The following LARGE1 variants were observed in gnomAD, a reference collection of about 807,000 sequenced individuals.
LARGE1 encodes xylosyl- and glucuronyltransferase LARGE1.
A neutral mutation model predicts 87.6 loss-of-function variants in LARGE1; 43 were observed. That is an observed-to-expected ratio of 0.49 (90% CI 0.38 to 0.63). The LOEUF is 0.63. Among genes scored for constraint, LARGE1 ranks in the 30% least tolerant of loss-of-function variants. The probability of loss-of-function intolerance (pLI) is 0.00; values close to 1 mark genes in which losing one functional copy is unlikely to be tolerated. For synonymous variants in LARGE1, 434 were observed against 394.6 expected (o/e 1.10, Z -1.18); for missense variants, 802 against 1,000.2 (o/e 0.80, Z 2.67).
At chr22:33,182,158 C>G (rs77478091) in intron 11 of LARGE1, among the ~76,000 whole-genome samples, 5,430 of 152,188 alleles carry the variant, frequency 0.036, 332 homozygotes, top group African/African-American at 0.12. Context: ...AGTCAGTAAC[C>G]AAATATTGAA....
At chr22:33,818,511 G>A (rs1255072200) in intron 1 of LARGE1, among the ~76,000 whole-genome samples, 3 of 152,176 alleles carry the variant, frequency 2.0e-5, no homozygotes, top group Non-Finnish European at 4.4e-5. Flanking sequence ...TGACCTGAGA[G>A]AAAGAAGGGG....
chr22:33,541,513 T>C (rs1055426828), intron 6 of LARGE1, among the ~76,000 whole-genome samples: 2 of 152,226 alleles, frequency 1.3e-5, no homozygotes, highest in Admixed American at 6.5e-5. Context: ...TTTGTGCTGA[T>C]ACGGACATGC....
intron 5 of LARGE1, among the ~76,000 whole-genome samples, chr22:33,583,621 C>T (rs1425233527): frequency 6.6e-6 from 1 of 152,168 alleles, no homozygotes. Context: ...ATCTTCTGCC[C>T]CTGAGCCCAC....
At chr22:33,900,698 G>C (rs2065259027) in intron 1 of LARGE1, among the ~76,000 whole-genome samples, 1 of 152,216 alleles carries the variant, frequency 6.6e-6, no homozygotes. Context: ...AGATAATCAA[G>C]TTAAAATGAG....
At chr22:33,770,479 C>G (rs2085031932) in intron 1 of LARGE1, among the ~76,000 whole-genome samples, 1 of 152,008 alleles carries the variant, frequency 6.6e-6, no homozygotes, top group South Asian at 2.1e-4. Flanking sequence ...GCCAGGAGTT[C>G]AAGACCAGCC....
At chr22:33,297,008 A>G (rs1933376232) in intron 12 of LARGE1, among the ~76,000 whole-genome samples, 1 of 152,226 alleles carries the variant, frequency 6.6e-6, no homozygotes, top group African/African-American at 2.4e-5. Context: ...GCGCATAGTA[A>G]GTGCTCAGTA....
chr22:33,411,649 A>G (rs1002638267), intron 7 of LARGE1, among the ~76,000 whole-genome samples: 1 of 152,212 alleles, frequency 6.6e-6, no homozygotes, highest in Non-Finnish European at 1.5e-5. Flanking sequence ...CAATACTTGC[A>G]TAAGCAAACA....
intron 6 of LARGE1, among the ~76,000 whole-genome samples, chr22:33,493,764 C>A (rs1469996511): frequency 2.0e-5 from 3 of 152,152 alleles, no homozygotes; most frequent in Admixed American, 1.3e-4. Context: ...CAGCTGCACT[C>A]AAGATCCTTT....
intron 3 of LARGE1, among the ~76,000 whole-genome samples, chr22:33,631,652 G>T (rs1309431653): frequency 6.6e-6 from 1 of 152,012 alleles, no homozygotes; most frequent in East Asian, 1.9e-4. Flanking sequence ...CCTCCTGAAG[G>T]ACCTGCCTGA....
intron 4 of LARGE1, among the ~76,000 whole-genome samples, chr22:33,625,712 TG>T (rs1457911088): frequency 6.6e-6 from 1 of 152,244 alleles, no homozygotes; most frequent in African/African-American, 2.4e-5. Context: ...TATGTTCACA[TG>T]GTCTGTGTTT....
intron 6 of LARGE1, among the ~76,000 whole-genome samples, chr22:33,474,579 C>T (rs1158906691): frequency 1.3e-5 from 2 of 152,226 alleles, no homozygotes; most frequent in Non-Finnish European, 2.9e-5. Context: ...CACTGCCTGC[C>T]TTCCACCTGC....
intron 6 of LARGE1, among the ~76,000 whole-genome samples, chr22:33,526,088 G>A (rs5994771): frequency 0.017 from 2,554 of 152,264 alleles, 56 homozygotes; most frequent in African/African-American, 0.049. Context: ...ATAAAGCGGA[G>A]TATAATGCGG....
intron 1 of LARGE1, among the ~76,000 whole-genome samples, chr22:33,861,860 CTTTTTTTTTT>C (rs59657748): frequency 1.7e-5 from 2 of 117,216 alleles, no homozygotes; most frequent in Admixed American, 1.9e-4. Context: ...CCCAGACATT[CTTTTTTTTTT>C]TTTTTTTTTT....
intron 6 of LARGE1, among the ~76,000 whole-genome samples, chr22:33,534,903 C>T (rs2076997705): frequency 6.6e-6 from 1 of 152,192 alleles, no homozygotes; most frequent in African/African-American, 2.4e-5. Flanking sequence ...ATGCAGAGTC[C>T]CATCCCCACC....
the LARGE1 span, among the ~76,000 whole-genome samples, chr22:33,078,535 G>A: frequency 6.6e-6 from 1 of 152,158 alleles, no homozygotes; most frequent in Admixed American, 6.5e-5. Context: ...ACATGTCCAT[G>A]GTCATACCAG....
chr22:33,503,397 C>T (rs1003223792), intron 6 of LARGE1, among the ~76,000 whole-genome samples: 16 of 151,180 alleles, frequency 1.1e-4, no homozygotes, highest in African/African-American at 3.9e-4. Flanking sequence ...GCTGGGATTA[C>T]AGGCACCCGA....
intron 2 of LARGE1, among the ~76,000 whole-genome samples, chr22:33,664,112 C>T: frequency 6.6e-6 from 1 of 152,160 alleles, no homozygotes; most frequent in Non-Finnish European, 1.5e-5. Context: ...AACACCTGTT[C>T]AGGGCAGGAG....
intron 5 of LARGE1, among the ~76,000 whole-genome samples, chr22:33,592,346 TCTTA>T (rs1202727374): frequency 1.2e-4 from 18 of 152,332 alleles, no homozygotes; most frequent in African/African-American, 3.6e-4. Context: ...CTTCTTTGCT[TCTTA>T]CTTAGGCTTT....
At chr22:33,446,992 C>G (rs1161225124) in intron 6 of LARGE1, among the ~76,000 whole-genome samples, 2 of 152,210 alleles carry the variant, frequency 1.3e-5, no homozygotes, top group Non-Finnish European at 2.9e-5. Flanking sequence ...CTCCCGGATT[C>G]AAGTGATTCT....
Sources: allele counts gnomAD v4.1 joint callset (sites outside exome capture counted in the v4.1 genomes callset), GRCh38; gene constraint gnomAD v4.1.1; transcripts MANE v1.5; gene names NCBI Gene and HGNC (gene_info 2026-07-23, HGNC 2026-07-21).